The following CELSR1 variants were observed in gnomAD, a reference collection of about 807,000 sequenced individuals.
CELSR1 encodes the protein adhesion G protein-coupled receptor C1.
Under a neutral mutation model 249.1 loss-of-function variants are expected in CELSR1, and 110 were observed. The observed-to-expected ratio is 0.44, with a 90% CI of 0.38 to 0.52. The LOEUF (loss-of-function observed/expected upper bound fraction) is 0.52, where lower values mean the gene tolerates loss of function less well. CELSR1 is among the 20% of genes least tolerant of loss of function. The pLI is 0.00. For missense variants in CELSR1, 4,109 were observed against 4,296.4 expected (o/e 0.96, Z 1.22); for synonymous variants, 2,113 against 1,900.0 (o/e 1.11, Z -2.92).
rs980701090 is a variant in CELSR1, at chr22:46,448,920, A to T, written c.4184-9509T>A. Among the ~76,000 whole-genome samples, 4 of 152,192 alleles carry T rather than the reference A, an allele frequency of 2.6e-5. No individual in the cohort carries two copies. Among genetic ancestry groups the T allele is most frequent in the Admixed American group, 6.5e-5 (1 of 15,274 alleles). ...GAAAGCACACAGATAGGAGGCCAAG[A>T]GGGGAACGTTACAGGGTTTCTAAGA... is the stretch of plus-strand genomic sequence containing the variant. On this transcript the variant is annotated intron_variant, in intron 2 of 34. Coordinates refer to ENST00000674500, the MANE Select transcript of CELSR1 (RefSeq NM_001378328.1). The surrounding 1 kb of genome is among the most constrained non-coding windows in gnomAD (Gnocchi z 5.7).
At chr22:46,463,522 T>TA (rs11453877) in intron 2 of CELSR1, among the ~76,000 whole-genome samples, 185 bp downstream of exon 2, 70,989 of 142,160 alleles carry the variant, frequency 0.5, 17,867 homozygotes, top group South Asian at 0.63. Context: ...TCAAAAAAGT[T>TA]AAAAAAAAAA....
At chr22:46,378,511 C>CGGGGAGGTGCAGGTTTGGG (rs1569115771) in intron 23 of CELSR1, 80 bp downstream of exon 23, 16 of 1,391,584 alleles carry the variant, frequency 1.1e-5, no homozygotes, top group Non-Finnish European at 1.5e-5. Context: ...GCAGGTTTGG[C>CGGGGAGGTGCAGGTTTGGG]GGGGAGGTGC....
In CELSR1 at chr22:46,446,879, C is replaced by G. The variant is rs1387593444; in HGVS notation, c.4184-7468G>C. Among the ~76,000 whole-genome samples, 1 of 152,034 alleles carries G rather than the reference C, an allele frequency of 6.6e-6. No homozygotes were observed. Among genetic ancestry groups the G allele is most frequent in the Non-Finnish European group, 1.5e-5 (1 of 68,028 alleles). Reference sequence around the variant, plus strand: ...GCAACTGGGTTCTGGATGAACTGGACCAGCCGGGGAAGGTCCTGTCCCTGT... The same window carrying G: ...GCAACTGGGTTCTGGATGAACTGGAGCAGCCGGGGAAGGTCCTGTCCCTGT... On this transcript the variant is annotated intron_variant, in intron 2 of 34. Transcript: ENST00000674500. The surrounding 1 kb of genome is among the most constrained non-coding windows in gnomAD (Gnocchi z 5.5).
intron 5 of CELSR1, among the ~76,000 whole-genome samples, chr22:46,419,920 CACACGT>C (rs769939462): frequency 1.6e-4 from 25 of 152,106 alleles, no homozygotes; most frequent in Non-Finnish European, 2.8e-4. Flanking sequence ...TTCATACGCT[CACACGT>C]ACACTTACCC....
rs1316605096 is a variant in CELSR1 at position 46,448,973 on chromosome 22, A to C, written c.4184-9562T>G. ...AAAAGGGTATGTCAGAAATGATAAA[A>C]CACCACACGAATTTGCCCATCTGTT... is the stretch of plus-strand genomic sequence containing the variant. On this transcript the variant is annotated intron_variant, in intron 2 of 34. Transcript: ENST00000674500. This position sits in a 1 kb window ranked among gnomAD's most constrained non-coding sequence, Gnocchi z 5.7. 6.6e-6 allele frequency among the ~76,000 whole-genome samples: 1 copy of C among 152,090 alleles called. No individual in the cohort carries two copies. The highest frequency in any genetic ancestry group is 1.9e-4 in the East Asian group (1 of 5,196).
rs910339702 is a variant in CELSR1 at position 46,362,922 on chromosome 22, G to A, written c.*301C>T. On this transcript the variant is annotated 3_prime_UTR_variant, in exon 35 of 35. Coordinates refer to ENST00000674500, the MANE Select transcript of CELSR1 (RefSeq NM_001378328.1). ...TCCCCTCTCAGTTCTGGCTTTGACT[G>A]CAGTCTTAGGACTCAGCGGTGCTGG... 9.8e-6 allele frequency: 5 copies of A among 512,074 alleles called. No homozygotes were observed. Among genetic ancestry groups the A allele is most frequent in the African/African-American group, 3.8e-5 (2 of 52,142 alleles). The allele number at this position is 512,074 out of a possible 1,614,324, so 31.7% of individuals were successfully genotyped here. A position where few individuals can be genotyped will look rare whatever the true frequency, so the allele number is the denominator to read the frequency against.
chr22:46,477,847 G>A (rs2080225567), intron 1 of CELSR1, among the ~76,000 whole-genome samples: 2 of 152,090 alleles, frequency 1.3e-5, no homozygotes, highest in Admixed American at 6.5e-5. Context: ...GAACCCCCGG[G>A]CTTCAGCTTC....
rs1330759390 is a variant in CELSR1 at position 46,396,870 on chromosome 22, G to A, written c.5702-124C>T. 1 of 1,313,050 alleles carries A rather than the reference G, an allele frequency of 7.6e-7. No homozygotes were observed. The highest frequency in any genetic ancestry group is 1.5e-5 in the African/African-American group (1 of 67,938). 81.3% of individuals were successfully genotyped at this position (1,313,050 alleles called of 1,614,324 possible). On this transcript the variant is annotated intron_variant, in intron 12 of 34. Transcript: ENST00000674500. The surrounding 1 kb of genome is among the most constrained non-coding windows in gnomAD (Gnocchi z 6.4). Reference sequence around the variant, plus strand: ...TCCCTGGTACTCAGCAGAGGGAAGAGGAAGAGTGCCACAGAGTCCCCGAAA... The same window carrying A: ...TCCCTGGTACTCAGCAGAGGGAAGAAGAAGAGTGCCACAGAGTCCCCGAAA...
Position 46,428,030 on chromosome 22 carries a change from A to T in CELSR1, c.4611+5363T>A, listed in dbSNP as rs1360234034. Among the ~76,000 whole-genome samples, 1 of 152,130 alleles carries T rather than the reference A, an allele frequency of 6.6e-6. No homozygotes were observed. The highest frequency in any genetic ancestry group is 1.5e-5 in the Non-Finnish European group (1 of 68,012). On this transcript the variant is annotated intron_variant, in intron 5 of 34. Transcript: ENST00000674500. The surrounding 1 kb of genome is among the most constrained non-coding windows in gnomAD (Gnocchi z 5.7). ...GCACAGACCCAAGAGGTTTTGAATGACCTGACAAGCAACAGGTGAGCAATC... is the reference window on the plus strand; with the variant it reads ...GCACAGACCCAAGAGGTTTTGAATGTCCTGACAAGCAACAGGTGAGCAATC...
intron 1 of CELSR1, among the ~76,000 whole-genome samples, chr22:46,525,364 G>A (rs187373349): frequency 7.3e-5 from 11 of 151,672 alleles, no homozygotes; most frequent in East Asian, 2.0e-4. Context: ...CAGGACAATC[G>A]CTTGAACCCA....
At chr22:46,525,142 C>T (rs749328852) in intron 1 of CELSR1, among the ~76,000 whole-genome samples, 7 of 152,220 alleles carry the variant, frequency 4.6e-5, no homozygotes, top group Non-Finnish European at 1.0e-4. Flanking sequence ...AAGGCTGGGT[C>T]ACTGAATTAA....
At position 46,390,782 on chromosome 22, in the gene CELSR1, T is replaced by C. The variant is rs1241030125; in HGVS notation, c.6251-296A>G. Among the ~76,000 whole-genome samples, 1 of 152,178 alleles carries C rather than the reference T, an allele frequency of 6.6e-6. No homozygotes were observed. On this transcript the variant is annotated intron_variant, in intron 16 of 34. Coordinates refer to ENST00000674500, the MANE Select transcript of CELSR1 (RefSeq NM_001378328.1). This position sits in a 1 kb window ranked among gnomAD's most constrained non-coding sequence, Gnocchi z 6.3. Reference sequence around the variant, plus strand: ...CCATCTGCCGGCAGCCACGATCCCATGCACCAGGAATCCATTTCGGCTGGG... The same window carrying C: ...CCATCTGCCGGCAGCCACGATCCCACGCACCAGGAATCCATTTCGGCTGGG...
At chr22:46,467,760 T>A (rs1309344379) in intron 1 of CELSR1, among the ~76,000 whole-genome samples, 1 of 151,818 alleles carries the variant, frequency 6.6e-6, no homozygotes, top group African/African-American at 2.4e-5. Context: ...AGGCAGAGCT[T>A]GCAGTGAGCC....
rs2079551549 is a variant in CELSR1 at position 46,427,714 on chromosome 22, G to A, written c.4611+5679C>T. On this transcript the variant is annotated intron_variant, in intron 5 of 34. Coordinates refer to ENST00000674500, the MANE Select transcript of CELSR1 (RefSeq NM_001378328.1). This position sits in a 1 kb window ranked among gnomAD's most constrained non-coding sequence, Gnocchi z 4.2. Reference sequence around the variant, plus strand: ...ATACCTTCCAAGTTCGTTTCTGTAAGTTGGATTCTGTGCGTGTAATTGGCA... The same window carrying A: ...ATACCTTCCAAGTTCGTTTCTGTAAATTGGATTCTGTGCGTGTAATTGGCA... 6.6e-6 allele frequency among the ~76,000 whole-genome samples: 1 copy of A among 152,168 alleles called. No individual in the cohort carries two copies. Among genetic ancestry groups the A allele is most frequent in the Non-Finnish European group, 1.5e-5 (1 of 68,034 alleles).
At position 46,463,918 on chromosome 22, in the gene CELSR1, G is replaced by A. The variant is rs771694896; in HGVS notation, c.3972C>T (p.Phe1324=). 59 of 1,613,834 alleles carry A rather than the reference G, an allele frequency of 3.7e-5. No individual in the cohort carries two copies. Among genetic ancestry groups the A allele is most frequent in the Non-Finnish European group, 4.6e-5 (54 of 1,179,984 alleles). Residue 1324 remains phenylalanine, a synonymous_variant, in exon 2 of 35, where the codon TTC becomes TTT. Coordinates refer to ENST00000674500, the MANE Select transcript of CELSR1 (RefSeq NM_001378328.1). ...AGCTGAGGAAGGGCGCGGAGCTGTC[G>A]AATCGCAGAACGGACACGCACTTCA... ...NYMKCVSVLR[F]DSSAPFLSST...
intron 2 of CELSR1, among the ~76,000 whole-genome samples, 196 bp from the exon 3 acceptor site, chr22:46,439,607 AG>A (rs2079717494): frequency 6.6e-6 from 1 of 152,008 alleles, no homozygotes; most frequent in Non-Finnish European, 1.5e-5. Flanking sequence ...GCCGTGCCAG[AG>A]TCGGCTGCAC....
rs1222801381 is a variant in CELSR1 at position 46,361,248 on chromosome 22, C to T, written c.*1975G>A. ...CCAGTGTTTTGAACATTAATAAATACACGTTCTGTTAAAAACCTCCAGTGT... is the reference window on the plus strand; with the variant it reads ...CCAGTGTTTTGAACATTAATAAATATACGTTCTGTTAAAAACCTCCAGTGT... On this transcript the variant is annotated 3_prime_UTR_variant, in exon 35 of 35. Coordinates refer to ENST00000674500, the MANE Select transcript of CELSR1 (RefSeq NM_001378328.1). The T allele has an allele frequency of 6.6e-6, 1 of 151,812 alleles. No individual in the cohort carries two copies. Among genetic ancestry groups the T allele is most frequent in the Non-Finnish European group, 1.5e-5 (1 of 68,040 alleles). The allele number at this position is 151,812 out of a possible 1,614,324, so 9.4% of individuals were successfully genotyped here.
chr22:46,489,247 G>T (rs2080344914), intron 1 of CELSR1, among the ~76,000 whole-genome samples: 2 of 151,834 alleles, frequency 1.3e-5, no homozygotes, highest in Admixed American at 6.6e-5. Flanking sequence ...AAAACTACCA[G>T]CTGGTCATTG....
intron 25 of CELSR1, among the ~76,000 whole-genome samples, chr22:46,371,363 T>C (rs1404148264): frequency 3.3e-5 from 5 of 152,176 alleles, no homozygotes; most frequent in Admixed American, 6.5e-5. Context: ...CCAGTGCCTC[T>C]GGCCTCAGAC....
Sources: allele counts gnomAD v4.1 joint callset (sites outside exome capture counted in the v4.1 genomes callset), GRCh38; gene constraint gnomAD v4.1.1; non-coding constraint Gnocchi (gnomAD v3.1); transcripts MANE v1.5; gene names NCBI Gene and HGNC (gene_info 2026-07-23, HGNC 2026-07-21).